CDYL: variants seen among roughly 807,000 people sequenced by gnomAD.
CDYL encodes chromodomain Y-like protein.
A neutral mutation model predicts 47.3 loss-of-function variants in CDYL; 8 were observed. That is an observed-to-expected ratio of 0.17 (90% CI 0.10 to 0.31). The LOEUF (loss-of-function observed/expected upper bound fraction) is 0.31, where lower values mean the gene tolerates loss of function less well. Among genes scored for constraint, CDYL ranks in the 10% least tolerant of loss-of-function variants. The pLI, the probability that CDYL is intolerant of heterozygous loss-of-function variation, is 1.00. For missense variants in CDYL, 471 were observed against 701.4 expected (o/e 0.67, Z 3.71); for synonymous variants, 266 against 265.0 (o/e 1.00, Z -0.04).
At chr6:4,801,595 T>A (rs145776606) in intron 1 of CDYL, among the ~76,000 whole-genome samples, 1 of 152,318 alleles carries the variant, frequency 6.6e-6, no homozygotes, top group East Asian at 1.9e-4. Flanking sequence ...TGCTCTTAGG[T>A]CTTTGCACTG....
chr6:4,856,789 G>A (rs1446010259), intron 1 of CDYL, among the ~76,000 whole-genome samples: 1 of 152,182 alleles, frequency 6.6e-6, no homozygotes, highest in Non-Finnish European at 1.5e-5. Flanking sequence ...GTAGAACTTT[G>A]TGAAGCCTTT....
In CDYL at chr6:4,799,975, C is replaced by T. The variant is rs115098108; in HGVS notation, c.24+23168C>T. Reference sequence around the variant, plus strand: ...ACTTTTCGAAGTCTACTTTGTTTTACATTAATGTATCCATTCTAGCTTTGG... The same window carrying T: ...ACTTTTCGAAGTCTACTTTGTTTTATATTAATGTATCCATTCTAGCTTTGG... On this transcript the variant is annotated intron_variant, in intron 1 of 6. Coordinates refer to ENST00000397588, the MANE Select transcript of CDYL (RefSeq NM_004824.4). Among the ~76,000 whole-genome samples the T allele has an allele frequency of 9.5e-3, 1,446 of 152,222 alleles. 6 individuals carry two copies. Among genetic ancestry groups the T allele is most frequent in the Non-Finnish European group, 0.017 (1,144 of 68,008 alleles).
At chr6:4,939,984 G>A (rs1370149243) in intron 4 of CDYL, among the ~76,000 whole-genome samples, 1 of 150,248 alleles carries the variant, frequency 6.7e-6, no homozygotes, top group East Asian at 1.9e-4. Context: ...GCCCGCTGGT[G>A]CCTCGCCGGG....
At chr6:4,751,928 G>A (rs991122825) in intron 3 of CDYL, among the ~76,000 whole-genome samples, 1 of 152,170 alleles carries the variant, frequency 6.6e-6, no homozygotes, top group Non-Finnish European at 1.5e-5. Flanking sequence ...CTGGCTCTGG[G>A]CCCGGCATGA....
intron 3 of CDYL, among the ~76,000 whole-genome samples, chr6:4,766,113 T>G (rs1265837557): frequency 6.6e-6 from 1 of 152,176 alleles, no homozygotes; most frequent in Non-Finnish European, 1.5e-5. Flanking sequence ...TACTAAAATT[T>G]TATGAACAAT....
intron 1 of CDYL, among the ~76,000 whole-genome samples, chr6:4,838,810 G>A (rs58992102): frequency 0.046 from 6,955 of 151,888 alleles, 537 homozygotes; most frequent in African/African-American, 0.16. Flanking sequence ...CCTCAGCCTC[G>A]TGAGTTTCTG....
chr6:4,910,832 A>AT (rs34456219), intron 2 of CDYL, among the ~76,000 whole-genome samples: 11,560 of 147,342 alleles, frequency 0.078, 534 homozygotes, highest in South Asian at 0.13. Context: ...CTGAGAAAGG[A>AT]TTTTTTTTTT....
chr6:4,728,382 T>G (rs192284578), intron 2 of CDYL, among the ~76,000 whole-genome samples: 2 of 152,326 alleles, frequency 1.3e-5, no homozygotes, highest in East Asian at 3.9e-4. Context: ...CTGCTGCATG[T>G]GGCTCTTCAG....
intron 2 of CDYL, among the ~76,000 whole-genome samples, chr6:4,926,871 C>T (rs565902691): frequency 2.0e-5 from 3 of 152,112 alleles, no homozygotes; most frequent in South Asian, 4.2e-4. Context: ...AGGACACAAG[C>T]GTGGGAATCA....
At chr6:4,876,758 G>A (rs1011074291) in intron 1 of CDYL, among the ~76,000 whole-genome samples, 1 of 152,140 alleles carries the variant, frequency 6.6e-6, no homozygotes. Context: ...GGGGCTATTG[G>A]GATGAAATGA....
chr6:4,953,346 T>A (rs1389882852), intron 6 of CDYL, among the ~76,000 whole-genome samples: 2 of 151,860 alleles, frequency 1.3e-5, no homozygotes, highest in African/African-American at 4.8e-5. Flanking sequence ...ATCCCGCCAC[T>A]GCTGTCCAGC....
At chr6:4,763,722 C>T (rs1160969397) in intron 3 of CDYL, among the ~76,000 whole-genome samples, 1 of 152,186 alleles carries the variant, frequency 6.6e-6, no homozygotes, top group African/African-American at 2.4e-5. Context: ...ATGGGCGGAT[C>T]ACTTGAGATC....
At chr6:4,916,817 G>A (rs748820883) in intron 2 of CDYL, among the ~76,000 whole-genome samples, 1 of 152,190 alleles carries the variant, frequency 6.6e-6, no homozygotes, top group Non-Finnish European at 1.5e-5. Context: ...CCAAGGAGGT[G>A]TAGTGTGTAG....
intron 1 of CDYL, among the ~76,000 whole-genome samples, chr6:4,844,972 G>A (rs1442776248): frequency 6.6e-6 from 1 of 152,038 alleles, no homozygotes; most frequent in East Asian, 1.9e-4. Flanking sequence ...AAATTTAGAT[G>A]CTGTAAAATG....
At chr6:4,839,374 G>A (rs573928540) in intron 1 of CDYL, among the ~76,000 whole-genome samples, 11 of 152,300 alleles carry the variant, frequency 7.2e-5, no homozygotes, top group Admixed American at 2.0e-4. Flanking sequence ...TGGGTTGTCT[G>A]TTTACTCTGC....
chr6:4,712,462 C>T (rs890188092), intron 1 of CDYL, among the ~76,000 whole-genome samples: 4 of 152,172 alleles, frequency 2.6e-5, no homozygotes, highest in East Asian at 3.9e-4. Context: ...CACAGGTGGC[C>T]GCCGTTCCCA....
intron 3 of CDYL, among the ~76,000 whole-genome samples, chr6:4,766,724 G>C (rs1758257160): frequency 6.6e-6 from 1 of 152,052 alleles, no homozygotes; most frequent in African/African-American, 2.4e-5. Context: ...CTGACAAGAG[G>C]CCGGGCACAG....
In CDYL at chr6:4,943,751, G is replaced by A; in HGVS notation, c.1327G>A (p.Ala443Thr). 6.5e-7 allele frequency: 1 copy of A among 1,528,956 alleles called. No individual in the cohort carries two copies. Among genetic ancestry groups the A allele is most frequent in the Non-Finnish European group, 8.9e-7 (1 of 1,129,580 alleles). The allele number at this position is 1,528,956 out of a possible 1,614,324, so 94.7% of individuals were successfully genotyped here. A position where few individuals can be genotyped will look rare whatever the true frequency, so the allele number is the denominator to read the frequency against. The part of the protein sequence containing the change: ...TVMFPKIMGG[A>T]SANEMLLSGR... ...TATGTTTCCCAAGATAATGGGAGGA[G>A]CATCTGTGAGTACCTTTTTAAAAAA... Residue 443 changes from alanine to threonine, a missense_variant, in exon 5 of 7, where the codon GCA becomes ACA. This residue lies in a region of CDYL where 103 missense variants were observed against 277.1 expected (regional missense o/e 0.37). Coordinates refer to ENST00000397588, the MANE Select transcript of CDYL (RefSeq NM_004824.4).
chr6:4,750,751 C>T (rs887502546), intron 3 of CDYL, among the ~76,000 whole-genome samples: 1 of 151,888 alleles, frequency 6.6e-6, no homozygotes, highest in African/African-American at 2.4e-5. Flanking sequence ...AGTATATAGA[C>T]AGGAGTTTGT....
Sources: allele counts gnomAD v4.1 joint callset (sites outside exome capture counted in the v4.1 genomes callset), GRCh38; gene constraint gnomAD v4.1.1; regional missense constraint gnomAD v4.1.1; transcripts MANE v1.5; gene names NCBI Gene and HGNC (gene_info 2026-07-23, HGNC 2026-07-21).